RAB18: variants seen among roughly 807,000 people sequenced by gnomAD.
The protein encoded by RAB18 is RAB18, member RAS oncogene family.
A neutral mutation model predicts 28.5 loss-of-function variants in RAB18; 10 were observed. The observed-to-expected ratio is 0.35, with a 90% confidence interval of 0.22 to 0.60. The LOEUF is 0.60. Among genes scored for constraint, RAB18 ranks in the 20% least tolerant of loss-of-function variants. The pLI is 0.78. For missense variants in RAB18, 188 were observed against 244.2 expected, an observed-to-expected ratio of 0.77 and a Z score of 1.53; for synonymous variants, 93 against 86.9, an observed-to-expected ratio of 1.07 and a Z score of -0.39.
At position 27,538,276 on chromosome 10, in the gene RAB18, G is replaced by A. The variant is rs1200307349; in HGVS notation, c.*225G>A. The A allele has an allele frequency of 4.6e-6, 3 of 656,778 alleles. No individual in the cohort carries two copies. In the Admixed American group the frequency reaches 6.2e-5, roughly 13 times the overall value. The allele number at this position is 656,778 out of a possible 1,614,324, so 40.7% of individuals were successfully genotyped here. A position where few individuals can be genotyped will look rare whatever the true frequency, so the allele number is the denominator to read the frequency against. On this transcript the variant is annotated 3_prime_UTR_variant, in exon 7 of 7. Coordinates refer to ENST00000356940, the MANE Select transcript of RAB18 (RefSeq NM_021252.5). ...TTTTTTTATGTAGCACAAAATAGGT[G>A]TACCTTTATAAGTACATTCAATTTT...
At position 27,540,487 on chromosome 10, in the gene RAB18, T is replaced by TG. The variant is rs1835000569; in HGVS notation, c.*2436_*2437insG. ...CCACTATTTCTTTATCACTCTTTTG[T>TG]TATATGTAATAGAAGTATTTCACAC... is the stretch of plus-strand genomic sequence containing the variant. On this transcript the variant is annotated 3_prime_UTR_variant, in exon 7 of 7. Transcript: ENST00000356940. 2.2e-6 allele frequency: 1 copy of TG among 453,982 alleles called. No homozygotes were observed. 28.1% of individuals were successfully genotyped at this position (453,982 alleles called of 1,614,324 possible). A position where few individuals can be genotyped will look rare whatever the true frequency, so the allele number is the denominator to read the frequency against.
intron 4 of RAB18, among the ~76,000 whole-genome samples, chr10:27,533,105 A>G (rs1263383063): frequency 6.6e-6 from 1 of 152,058 alleles, no homozygotes; most frequent in Non-Finnish European, 1.5e-5. Flanking sequence ...ATATTGATCA[A>G]TTGTATTAAT....
rs540165814 is a variant in RAB18 at position 27,538,562 on chromosome 10, C to T, written c.*511C>T. 416 of 454,494 alleles carry T rather than the reference C, an allele frequency of 9.2e-4. 2 individuals carry two copies. Among genetic ancestry groups the T allele is most frequent in the African/African-American group, 7.7e-3 (387 of 50,118 alleles). The allele number at this position is 454,494 out of a possible 1,614,324, so 28.2% of individuals were successfully genotyped here. A position where few individuals can be genotyped will look rare whatever the true frequency, so the allele number is the denominator to read the frequency against. On this transcript the variant is annotated 3_prime_UTR_variant, in exon 7 of 7. Coordinates refer to ENST00000356940, the MANE Select transcript of RAB18 (RefSeq NM_021252.5). ...CTTTTTTAGTACTAAGCAAAATTCT[C>T]ATCACAGAATGTAGCCCAGGCCAAT...
chr10:27,513,325 A>T (rs577228127), intron 2 of RAB18, among the ~76,000 whole-genome samples: 2 of 152,118 alleles, frequency 1.3e-5, no homozygotes, highest in East Asian at 3.9e-4. Context: ...GTGAGCCACC[A>T]CGCCCAGCCC....
At chr10:27,509,758 C>T in intron 1 of RAB18, 117 bp from the exon 2 acceptor site, 2 of 811,904 alleles carry the variant, frequency 2.5e-6, no homozygotes. Flanking sequence ...TAGGAACAGG[C>T]CTACATCAGT....
intron 4 of RAB18, among the ~76,000 whole-genome samples, chr10:27,532,794 G>C (rs1212719470): frequency 6.6e-6 from 1 of 151,890 alleles, no homozygotes; most frequent in Non-Finnish European, 1.5e-5. Context: ...TAATTTATTT[G>C]GTTTGAAAAC....
At chr10:27,533,616 A>G in intron 4 of RAB18, 119 bp from the exon 5 acceptor site, 2 of 1,195,792 alleles carry the variant, frequency 1.7e-6, no homozygotes, top group Non-Finnish European at 1.2e-6. Flanking sequence ...ATCGTTGAAG[A>G]CAATAAAAAA....
Position 27,533,772 on chromosome 10 carries a change from G to C in RAB18, c.297G>C (p.Leu99=), listed in dbSNP as rs573466372. The C allele has an allele frequency of 6.2e-7, 1 of 1,613,546 alleles. No homozygotes were observed. Among genetic ancestry groups the C allele is most frequent in the East Asian group, 2.2e-5 (1 of 44,780 alleles). Residue 99 remains leucine (L), a synonymous_variant, in exon 5 of 7, where the codon CTG becomes CTC. Coordinates refer to ENST00000356940, the MANE Select transcript of RAB18 (RefSeq NM_021252.5). ...DVTRRDTFVK[L]DNWLNELETY... is the part of the protein sequence containing the mutation. Reference sequence around the variant, plus strand: ...CAAGAAGAGATACATTTGTTAAACTGGATAATTGGTTAAATGAATTGGAAA... The same window carrying C: ...CAAGAAGAGATACATTTGTTAAACTCGATAATTGGTTAAATGAATTGGAAA...
chr10:27,532,974 A>G (rs902446594), intron 4 of RAB18, among the ~76,000 whole-genome samples: 5 of 152,092 alleles, frequency 3.3e-5, no homozygotes, highest in African/African-American at 1.2e-4. Flanking sequence ...TAAAAATATC[A>G]CAAAGCACTT....
In RAB18 at chr10:27,504,315, G is replaced by A. The variant is rs776758331; in HGVS notation, c.-55G>A. ...ATGCGCAGCAGCTCACTCTGCTGAAGGGCTGAGAGGCGCACCCGGGCGGCC... is the reference window on the plus strand; with the variant it reads ...ATGCGCAGCAGCTCACTCTGCTGAAAGGCTGAGAGGCGCACCCGGGCGGCC... On this transcript the variant is annotated 5_prime_UTR_variant, in exon 1 of 7. Coordinates refer to ENST00000356940, the MANE Select transcript of RAB18 (RefSeq NM_021252.5). 17 of 1,526,936 alleles carry A rather than the reference G, an allele frequency of 1.1e-5. No homozygotes were observed. The highest frequency in any genetic ancestry group is 5.5e-5 in the African/African-American group (4 of 73,026). 94.6% of individuals were successfully genotyped at this position (1,526,936 alleles called of 1,614,324 possible).
At chr10:27,537,855 A>G (rs1441613217) in intron 6 of RAB18, 21 bp from the exon 7 acceptor site, 1 of 1,599,532 alleles carries the variant, frequency 6.3e-7, no homozygotes, top group Non-Finnish European at 8.6e-7. Context: ...ACTATGAATG[A>G]CCTTTTTCCT....
At chr10:27,526,788 GTT>G (rs1296288454) in intron 2 of RAB18, 38 bp from the exon 3 acceptor site, 1 of 1,610,812 alleles carries the variant, frequency 6.2e-7, no homozygotes, top group East Asian at 2.2e-5. Flanking sequence ...TTAAAAGTCT[GTT>G]TTACTGGGAG....
Position 27,504,318 on chromosome 10 carries a change from C to A in RAB18, c.-52C>A. Reference sequence around the variant, plus strand: ...CGCAGCAGCTCACTCTGCTGAAGGGCTGAGAGGCGCACCCGGGCGGCCAGC... The same window carrying A: ...CGCAGCAGCTCACTCTGCTGAAGGGATGAGAGGCGCACCCGGGCGGCCAGC... On this transcript the variant is annotated 5_prime_UTR_variant, in exon 1 of 7. The change creates a new upstream start codon in the 5' untranslated region. Transcript: ENST00000356940. The A allele has an allele frequency of 3.9e-6, 6 of 1,535,716 alleles. No homozygotes were observed. The highest frequency in any genetic ancestry group is 5.3e-6 in the Non-Finnish European group (6 of 1,134,790).
Position 27,541,489 on chromosome 10 carries a change from A to G in RAB18, c.*3438A>G. ...AATCAGTCATGTTTCTGATTGTGGT[A>G]TAAAGTTTGCTTAAGTGCCCCTTAG... On this transcript the variant is annotated 3_prime_UTR_variant, in exon 7 of 7. Transcript: ENST00000356940. 1 of 453,882 alleles carries G rather than the reference A, an allele frequency of 2.2e-6. No homozygotes were observed. Among genetic ancestry groups the G allele is most frequent in the Non-Finnish European group, 4.4e-6 (1 of 226,752 alleles). The allele number at this position is 453,882 out of a possible 1,614,324, so 28.1% of individuals were successfully genotyped here.
At position 27,542,202 on chromosome 10, in the gene RAB18, T is replaced by A. The variant is rs1433519363; in HGVS notation, c.*4151T>A. On this transcript the variant is annotated 3_prime_UTR_variant, in exon 7 of 7. Coordinates refer to ENST00000356940, the MANE Select transcript of RAB18 (RefSeq NM_021252.5). ...TTGAGATCTATTTCTCAGCTTTCAC[T>A]TATGTGAGCCAATAAATTCCTTTTT... 2.2e-6 allele frequency: 1 copy of A among 454,128 alleles called. No individual in the cohort carries two copies. The highest frequency in any genetic ancestry group is 6.9e-5 in the East Asian group (1 of 14,394). The allele number at this position is 454,128 out of a possible 1,614,324, so 28.1% of individuals were successfully genotyped here. A position where few individuals can be genotyped will look rare whatever the true frequency, so the allele number is the denominator to read the frequency against.
chr10:27,513,115 A>G (rs757775929), intron 2 of RAB18, among the ~76,000 whole-genome samples: 1 of 151,116 alleles, frequency 6.6e-6, no homozygotes, highest in Non-Finnish European at 1.5e-5. Flanking sequence ...GCTCACTGCA[A>G]TCTCCGCCTC....
chr10:27,532,923 G>A (rs572906840), intron 4 of RAB18, among the ~76,000 whole-genome samples: 5 of 152,088 alleles, frequency 3.3e-5, no homozygotes, highest in African/African-American at 1.2e-4. Flanking sequence ...TATAAAGGAC[G>A]AAAAGTATTT....
At chr10:27,530,070 A>G (rs1834755806) in intron 3 of RAB18, among the ~76,000 whole-genome samples, 1 of 152,000 alleles carries the variant, frequency 6.6e-6, no homozygotes, top group Non-Finnish European at 1.5e-5. Context: ...TGTTTCATTA[A>G]GGCAGTTTTT....
At chr10:27,508,837 T>A (rs1031228874) in intron 1 of RAB18, among the ~76,000 whole-genome samples, 1 of 152,008 alleles carries the variant, frequency 6.6e-6, no homozygotes, top group Non-Finnish European at 1.5e-5. Context: ...ATAGAAAGAG[T>A]CATAAGATTT....
Sources: gnomAD v4.1 joint callset for allele counts (sites outside exome capture counted in the v4.1 genomes callset) on GRCh38, gnomAD v4.1.1 for gene constraint, MANE v1.5 for transcripts, NCBI Gene and HGNC (gene_info 2026-07-23, HGNC 2026-07-21) for gene names.